The following OXR1 variants were observed in gnomAD, a reference collection of about 807,000 sequenced individuals.
OXR1 encodes the protein oxidation resistance 1.
In OXR1, 41 loss-of-function variants were observed where a neutral mutation model predicts 104.6. The observed-to-expected ratio is 0.39, with a 90% CI of 0.31 to 0.51. OXR1 has a LOEUF of 0.51. Ranked by LOEUF, OXR1 falls within the 20% of genes least tolerant of loss-of-function variation. The pLI is 0.77. For synonymous variants in OXR1, 348 were observed against 348.4 expected, an observed-to-expected ratio of 1.00 and a Z score of 0.01; for missense variants, 955 against 1,031.9, an observed-to-expected ratio of 0.93 and a Z score of 1.02.
chr8:106,295,360 A>G (rs1198584563), intron 1 of OXR1, among the ~76,000 whole-genome samples: 3 of 152,176 alleles, frequency 2.0e-5, no homozygotes, highest in Admixed American at 1.3e-4. Flanking sequence ...AAAGGACATT[A>G]TAGTATATAT....
chr8:106,749,688 A>G (rs1835713578), intron 16 of OXR1, among the ~76,000 whole-genome samples: 1 of 152,084 alleles, frequency 6.6e-6, no homozygotes, highest in South Asian at 2.1e-4. Context: ...CTCTGGCTCA[A>G]TTCTGCTGAC....
intron 3 of OXR1, chr8:106,581,093 TATG>T: frequency 8.3e-7 from 1 of 1,211,972 alleles, no homozygotes; most frequent in South Asian, 1.5e-5. Flanking sequence ...GGAGGAAAAA[TATG>T]GTGCTATTCA....
intron 3 of OXR1, among the ~76,000 whole-genome samples, chr8:106,528,852 A>C (rs564554130): frequency 6.6e-5 from 10 of 152,324 alleles, no homozygotes; most frequent in Non-Finnish European, 1.5e-4. Context: ...TAATCAACAG[A>C]ACTATCTTGG....
intron 1 of OXR1, among the ~76,000 whole-genome samples, chr8:106,281,278 G>A (rs1181529653): frequency 6.6e-6 from 1 of 152,114 alleles, no homozygotes. Context: ...CAGCAGCTGC[G>A]TTCATAATTG....
chr8:106,276,472 G>C (rs1306753110), intron 1 of OXR1, among the ~76,000 whole-genome samples: 5 of 152,118 alleles, frequency 3.3e-5, no homozygotes, highest in Non-Finnish European at 7.4e-5. Flanking sequence ...TGGCACTCCT[G>C]CTTAGTAGTT....
chr8:106,660,483 A>G (rs1212627089), intron 3 of OXR1, among the ~76,000 whole-genome samples: 1 of 152,262 alleles, frequency 6.6e-6, no homozygotes, highest in South Asian at 2.1e-4. Context: ...ATTTCTTGTT[A>G]CAGATACTTT....
At chr8:106,474,163 C>T (rs1049082003) in intron 2 of OXR1, among the ~76,000 whole-genome samples, 13 of 150,536 alleles carry the variant, frequency 8.6e-5, no homozygotes, top group Non-Finnish European at 1.6e-4. Flanking sequence ...AATTGACATC[C>T]CCATGTGACA....
chr8:106,290,648 C>T (rs1393821862), intron 1 of OXR1, among the ~76,000 whole-genome samples: 1 of 152,236 alleles, frequency 6.6e-6, no homozygotes, highest in African/African-American at 2.4e-5. Context: ...TTCACAGACA[C>T]TTCTGAAAGG....
intron 1 of OXR1, 24 bp from the exon 2 acceptor site, chr8:106,359,452 T>G: frequency 1.6e-6 from 1 of 615,280 alleles, no homozygotes; most frequent in Non-Finnish European, 2.9e-6. Context: ...ACTAGAGATA[T>G]TCATTTATTT....
chr8:106,306,317 T>A (rs1469939718), intron 1 of OXR1, among the ~76,000 whole-genome samples: 1 of 152,132 alleles, frequency 6.6e-6, no homozygotes, highest in Admixed American at 6.5e-5. Context: ...CATAATACAT[T>A]GGGTTTTAAA....
chr8:106,725,432 CTAGA>C (rs1833239526), intron 11 of OXR1, among the ~76,000 whole-genome samples: 1 of 152,046 alleles, frequency 6.6e-6, no homozygotes, highest in South Asian at 2.1e-4. Flanking sequence ...AAACTGAATT[CTAGA>C]TAGTTTTAGT....
At chr8:106,471,260 C>A (rs75227918) in intron 2 of OXR1, among the ~76,000 whole-genome samples, 1,578 of 151,632 alleles carry the variant, frequency 0.01, 32 homozygotes, top group African/African-American at 0.036. Flanking sequence ...TTATCTAGTA[C>A]ATAAGTAGAC....
intron 3 of OXR1, among the ~76,000 whole-genome samples, chr8:106,637,940 T>A (rs1345706759): frequency 6.6e-6 from 1 of 152,014 alleles, no homozygotes; most frequent in East Asian, 1.9e-4. Flanking sequence ...TTTTTGTATT[T>A]TTTTTTAGTA....
At chr8:106,505,860 G>A (rs1404788149) in intron 2 of OXR1, among the ~76,000 whole-genome samples, 2 of 152,196 alleles carry the variant, frequency 1.3e-5, no homozygotes, top group Non-Finnish European at 2.9e-5. Context: ...AAGCCATTCA[G>A]TTCTTTAAAG....
At chr8:106,458,943 T>C (rs1239299217) in intron 2 of OXR1, among the ~76,000 whole-genome samples, 1 of 152,182 alleles carries the variant, frequency 6.6e-6, no homozygotes, top group Non-Finnish European at 1.5e-5. Context: ...GAGAAATTTA[T>C]CTAAGGATGA....
At chr8:106,423,355 A>G (rs1818980067) in intron 2 of OXR1, among the ~76,000 whole-genome samples, 1 of 152,098 alleles carries the variant, frequency 6.6e-6, no homozygotes. Context: ...TGACCATCCT[A>G]CTTTATCAGT....
At chr8:106,719,713 A>G (rs1832653155) in intron 11 of OXR1, among the ~76,000 whole-genome samples, 1 of 152,180 alleles carries the variant, frequency 6.6e-6, no homozygotes, top group Non-Finnish European at 1.5e-5. Flanking sequence ...TTAACATGTT[A>G]TTCTACCACT....
In OXR1 at chr8:106,470,181, G is replaced by T. The variant is rs114388297; in HGVS notation, c.24-48762G>T. On this transcript the variant is annotated intron_variant, in intron 2 of 16. Transcript: ENST00000517566. Reference sequence around the variant, plus strand: ...ACTTTGGTTATTTTTCAGAGCAAAGGATAGTCATTGCAGGACTTTGAGCAG... The same window carrying T: ...ACTTTGGTTATTTTTCAGAGCAAAGTATAGTCATTGCAGGACTTTGAGCAG... Among the ~76,000 whole-genome samples, 1,029 of 151,830 alleles carry T rather than the reference G, an allele frequency of 6.8e-3. 11 individuals carry two copies. Among genetic ancestry groups the T allele is most frequent in the African/African-American group, 0.024 (989 of 41,472 alleles).
intron 3 of OXR1, among the ~76,000 whole-genome samples, chr8:106,535,212 C>T (rs950643538): frequency 6.6e-6 from 1 of 152,156 alleles, no homozygotes; most frequent in African/African-American, 2.4e-5. Context: ...GCACGAGGTT[C>T]TTGGACGAGA....
Sources: allele counts gnomAD v4.1 joint callset (sites outside exome capture counted in the v4.1 genomes callset), GRCh38; gene constraint gnomAD v4.1.1; transcripts MANE v1.5; gene names NCBI Gene and HGNC (gene_info 2026-07-23, HGNC 2026-07-21).